Variants in ATP2C1 observed in about 807,000 individuals in gnomAD.
ATP2C1 encodes ATPase secretory pathway Ca2+ transporting 1.
A neutral mutation model predicts 120.5 loss-of-function variants in ATP2C1; 31 were observed. The ratio of observed to expected loss-of-function variants is 0.26; its 90% confidence interval spans 0.19 to 0.35. The LOEUF is 0.35. Among genes scored for constraint, ATP2C1 ranks in the 10% least tolerant of loss-of-function variants. The pLI is 1.00. For synonymous variants in ATP2C1, 351 were observed against 358.7 expected (o/e 0.98, Z 0.24); for missense variants, 731 against 1,107.5 (o/e 0.66, Z 4.83).
chr3:130,857,074 G>A (rs977998628), intron 1 of ATP2C1, among the ~76,000 whole-genome samples: 14 of 152,152 alleles, frequency 9.2e-5, no homozygotes, highest in African/African-American at 3.4e-4. Context: ...GTGACAACAT[G>A]AAGTTGAACT....
At chr3:130,895,175 G>A (rs1454552084) in intron 2 of ATP2C1, among the ~76,000 whole-genome samples, 1 of 152,084 alleles carries the variant, frequency 6.6e-6, no homozygotes, top group Admixed American at 6.5e-5. Flanking sequence ...GCCTCGATGT[G>A]GTGTGTGGCA....
In ATP2C1 at chr3:130,918,431, C is replaced by T. The variant is rs2058785340; in HGVS notation, c.7-11985C>T. Reference sequence around the variant, plus strand: ...CCTTCTCAGCAGCATGTACGGAATCCCCACATCTGGAACACTTCTCAGCAC... The same window carrying T: ...CCTTCTCAGCAGCATGTACGGAATCTCCACATCTGGAACACTTCTCAGCAC... On this transcript the variant is annotated intron_variant, in intron 2 of 27. Coordinates refer to ENST00000510168, the MANE Select transcript of ATP2C1 (RefSeq NM_001378687.1). The T allele has an allele frequency of 7.3e-6, 7 of 964,978 alleles. No individual in the cohort carries two copies. The South Asian group carries it at 9.0e-5, about 12-fold the overall frequency. 59.8% of individuals were successfully genotyped at this position (964,978 alleles called of 1,614,324 possible).
intron 8 of ATP2C1, among the ~76,000 whole-genome samples, chr3:130,951,625 T>C (rs115406344): frequency 0.027 from 4,110 of 152,248 alleles, 191 homozygotes; most frequent in African/African-American, 0.093. Context: ...TAAATATGTT[T>C]CTTTAATAAA....
At chr3:130,859,344 C>A (rs532834387) in intron 1 of ATP2C1, among the ~76,000 whole-genome samples, 2 of 152,182 alleles carry the variant, frequency 1.3e-5, no homozygotes, top group Non-Finnish European at 2.9e-5. Flanking sequence ...CTAGCAAAGA[C>A]CTCAAGTGAA....
chr3:130,859,676 G>A (rs557441925), intron 1 of ATP2C1, among the ~76,000 whole-genome samples: 1 of 152,130 alleles, frequency 6.6e-6, no homozygotes, highest in East Asian at 2.0e-4. Context: ...CAGCAGTGAA[G>A]TGTCAGACAA....
At chr3:130,858,367 T>C (rs1310383708) in intron 1 of ATP2C1, among the ~76,000 whole-genome samples, 20 of 152,226 alleles carry the variant, frequency 1.3e-4, no homozygotes, top group Admixed American at 1.3e-3. Context: ...TGCTACTTCC[T>C]GGCTAGGGCA....
chr3:130,951,822 A>G (rs2060380916), intron 8 of ATP2C1, among the ~76,000 whole-genome samples: 1 of 152,198 alleles, frequency 6.6e-6, no homozygotes, highest in African/African-American at 2.4e-5. Context: ...GCTTATTTTG[A>G]TACTAAAATG....
chr3:130,867,492 G>C (rs1365374748), intron 1 of ATP2C1, among the ~76,000 whole-genome samples: 3 of 149,278 alleles, frequency 2.0e-5, no homozygotes, highest in Non-Finnish European at 4.5e-5. Flanking sequence ...GGGTTTCGCT[G>C]TGTTGGCCGG....
intron 9 of ATP2C1, among the ~76,000 whole-genome samples, chr3:130,954,744 C>T (rs1425112919): frequency 6.6e-6 from 1 of 152,170 alleles, no homozygotes; most frequent in Non-Finnish European, 1.5e-5. Context: ...GCCTCGGCCA[C>T]CCAAAGTACT....
At position 131,003,124 on chromosome 3, in the gene ATP2C1, A is replaced by G; in HGVS notation, c.*1774A>G. 1.0e-6 allele frequency: 1 copy of G among 982,648 alleles called. No homozygotes were observed. Among genetic ancestry groups the G allele is most frequent in the Non-Finnish European group, 1.2e-6 (1 of 827,008 alleles). The allele number at this position is 982,648 out of a possible 1,614,324, so 60.9% of individuals were successfully genotyped here. On this transcript the variant is annotated 3_prime_UTR_variant, in exon 28 of 28. Coordinates refer to ENST00000510168, the MANE Select transcript of ATP2C1 (RefSeq NM_001378687.1). Reference sequence around the variant, plus strand: ...TATACATTCATTTGCTTTGTACTATAAAAATAAAAATGATTTCTTAAGTTA... The same window carrying G: ...TATACATTCATTTGCTTTGTACTATGAAAATAAAAATGATTTCTTAAGTTA...
chr3:130,922,128 A>G (rs953007514), intron 2 of ATP2C1, among the ~76,000 whole-genome samples: 1 of 151,992 alleles, frequency 6.6e-6, no homozygotes, highest in Non-Finnish European at 1.5e-5. Context: ...TTCCTGTTTC[A>G]GTCTCACCAC....
In ATP2C1 at chr3:130,963,967, A is replaced by C; in HGVS notation, c.900-4A>C. ...TTTTAATACTTTGTATATGTTGGTTATAGTTTGGCTGTAGCAGCAATTCCT... is the reference window on the plus strand; with the variant it reads ...TTTTAATACTTTGTATATGTTGGTTCTAGTTTGGCTGTAGCAGCAATTCCT... On this transcript the variant is annotated splice_polypyrimidine_tract_variant and splice_region_variant and intron_variant, in intron 12 of 27. Transcript: ENST00000510168. 1 of 1,612,484 alleles carries C rather than the reference A, an allele frequency of 6.2e-7. No homozygotes were observed. The highest frequency in any genetic ancestry group is 8.5e-7 in the Non-Finnish European group (1 of 1,178,748).
intron 1 of ATP2C1, among the ~76,000 whole-genome samples, chr3:130,882,805 C>T (rs1012585564): frequency 3.9e-5 from 6 of 152,104 alleles, no homozygotes; most frequent in African/African-American, 1.4e-4. Flanking sequence ...AGACACCAGC[C>T]TGTAGATTTT....
exon 27 of ATP2C1, chr3:131,016,355 G>A: frequency 9.3e-6 from 15 of 1,614,012 alleles, no homozygotes; most frequent in Non-Finnish European, 1.3e-5. Context: ...TAAAGAAACA[G>A]CCCAAGGGCA....
chr3:130,915,109 C>T (rs376014031), intron 2 of ATP2C1, among the ~76,000 whole-genome samples: 1 of 151,246 alleles, frequency 6.6e-6, no homozygotes, highest in Non-Finnish European at 1.5e-5. Flanking sequence ...TTTTCCCCCC[C>T]TTGAGACGAT....
At chr3:130,993,513 A>G (rs1019218169) in intron 21 of ATP2C1, among the ~76,000 whole-genome samples, 8 of 152,192 alleles carry the variant, frequency 5.3e-5, no homozygotes, top group African/African-American at 1.9e-4. Flanking sequence ...TTTGGACTGG[A>G]TAATTCCTTG....
intron 5 of ATP2C1, among the ~76,000 whole-genome samples, chr3:130,936,712 G>A (rs1306946039): frequency 6.6e-6 from 1 of 151,388 alleles, no homozygotes; most frequent in African/African-American, 2.4e-5. Flanking sequence ...AGCTACTCGG[G>A]AGGCTGAGGC....
intron 26 of ATP2C1, among the ~76,000 whole-genome samples, chr3:130,998,627 T>G (rs558353741): frequency 2.6e-5 from 4 of 152,156 alleles, no homozygotes; most frequent in African/African-American, 7.2e-5. Context: ...TTCACAGGTG[T>G]TGTCATCTGC....
intron 2 of ATP2C1, among the ~76,000 whole-genome samples, chr3:130,900,300 A>T (rs1390120733): frequency 6.6e-6 from 1 of 152,126 alleles, no homozygotes; most frequent in Non-Finnish European, 1.5e-5. Flanking sequence ...GGACTCAAGC[A>T]GTCTTATTGC....
Sources: allele counts gnomAD v4.1 joint callset (sites outside exome capture counted in the v4.1 genomes callset), GRCh38; gene constraint gnomAD v4.1.1; transcripts MANE v1.5; gene names NCBI Gene and HGNC (gene_info 2026-07-23, HGNC 2026-07-21).